AMOTL1: variants seen among roughly 807,000 people sequenced by gnomAD.
AMOTL1 encodes the protein angiomotin like 1, also known as angiomotin-like protein 1.
A neutral mutation model predicts 102.9 loss-of-function variants in AMOTL1; 45 were observed. That is an observed-to-expected ratio of 0.44 (90% CI 0.34 to 0.56). The LOEUF (loss-of-function observed/expected upper bound fraction) is 0.56, where lower values mean the gene tolerates loss of function less well. Among genes scored for constraint, AMOTL1 ranks in the 20% least tolerant of loss-of-function variants. The pLI is 0.01. For missense variants in AMOTL1, 1,114 were observed against 1,225.6 expected (o/e 0.91, Z 1.36); for synonymous variants, 481 against 484.7 (o/e 0.99, Z 0.10).
chr11:94,863,038 T>C (rs755612813), intron 9 of AMOTL1, among the ~76,000 whole-genome samples: 16 of 152,208 alleles, frequency 1.1e-4, no homozygotes, highest in Non-Finnish European at 1.5e-4. Context: ...TTTGGAGTCA[T>C]AAATACCTGA....
At chr11:94,767,080 C>T (rs1950863864), upstream of AMOTL1, among the ~76,000 whole-genome samples, 1 of 152,106 alleles carries the variant, frequency 6.6e-6, no homozygotes, top group Non-Finnish European at 1.5e-5. Flanking sequence ...TCTCTCCGCC[C>T]TTCCCAGGCA....
intron 1 of AMOTL1, among the ~76,000 whole-genome samples, chr11:94,770,656 G>C (rs1180994967): frequency 1.3e-5 from 2 of 152,186 alleles, no homozygotes; most frequent in Non-Finnish European, 2.9e-5. Flanking sequence ...CTTTGCAGAT[G>C]ATGGAGGATG....
chr11:94,826,099 A>G (rs192620050), intron 4 of AMOTL1, among the ~76,000 whole-genome samples: 2 of 152,274 alleles, frequency 1.3e-5, no homozygotes, highest in East Asian at 3.9e-4. Flanking sequence ...AGCCTGGCTA[A>G]CATGGTGAAA....
Position 94,873,009 on chromosome 11 carries a change from A to G in AMOTL1, c.*2214A>G, listed in dbSNP as rs1377544510. On this transcript the variant is annotated 3_prime_UTR_variant, in exon 13 of 13. Transcript: ENST00000433060. ...GGAAAATGTCTAGAGATAGGAAGGT[A>G]AATCAACTCTGCCAGCCCCTACCAT... 6.6e-6 allele frequency: 1 copy of G among 152,208 alleles called. No homozygotes were observed. The highest frequency in any genetic ancestry group is 6.5e-5 in the Admixed American group (1 of 15,280). The allele number at this position is 152,208 out of a possible 1,614,324, so 9.4% of individuals were successfully genotyped here. A position where few individuals can be genotyped will look rare whatever the true frequency, so the allele number is the denominator to read the frequency against.
chr11:94,842,511 C>T (rs1003406332), intron 6 of AMOTL1, among the ~76,000 whole-genome samples: 1 of 152,206 alleles, frequency 6.6e-6, no homozygotes, highest in Admixed American at 6.5e-5. Flanking sequence ...AGCACTGTGT[C>T]AACAGGGACA....
intron 6 of AMOTL1, among the ~76,000 whole-genome samples, chr11:94,835,185 A>G (rs1198580797): frequency 6.6e-6 from 1 of 152,102 alleles, no homozygotes; most frequent in Admixed American, 6.6e-5. Context: ...GTTTTTCCAA[A>G]TGTTTTTGTA....
chr11:94,820,892 T>A (rs1371761708), intron 3 of AMOTL1, among the ~76,000 whole-genome samples: 2 of 152,190 alleles, frequency 1.3e-5, no homozygotes, highest in African/African-American at 4.8e-5. Context: ...AAGATAGAGC[T>A]TAGGCAGTAA....
intron 1 of AMOTL1, among the ~76,000 whole-genome samples, chr11:94,726,745 G>A (rs963093600): frequency 6.6e-6 from 1 of 152,140 alleles, no homozygotes; most frequent in African/African-American, 2.4e-5. Context: ...ATGGCCTGAG[G>A]CCTGAAAACT....
chr11:94,797,760 A>G (rs979429581), intron 2 of AMOTL1, among the ~76,000 whole-genome samples: 1 of 152,214 alleles, frequency 6.6e-6, no homozygotes, highest in African/African-American at 2.4e-5. Flanking sequence ...CTTGGAAACT[A>G]TATGTACATA....
intron 3 of AMOTL1, among the ~76,000 whole-genome samples, chr11:94,809,365 G>T (rs913995276): frequency 5.9e-5 from 9 of 152,174 alleles, no homozygotes; most frequent in African/African-American, 1.9e-4. Flanking sequence ...AGTGGTTAGT[G>T]GCCACTGTCT....
chr11:94,767,801 G>C (rs1346216372), upstream of AMOTL1, among the ~76,000 whole-genome samples: 1 of 152,146 alleles, frequency 6.6e-6, no homozygotes, highest in African/African-American at 2.4e-5. Flanking sequence ...AGGATGTACG[G>C]TTCTGCGAAC....
chr11:94,787,791 T>C (rs1951218508), intron 1 of AMOTL1, among the ~76,000 whole-genome samples: 1 of 149,212 alleles, frequency 6.7e-6, no homozygotes, highest in African/African-American at 2.5e-5. Context: ...AATAAGTCTA[T>C]CAGAGATTCT....
At chr11:94,842,264 G>A (rs879604579) in intron 6 of AMOTL1, among the ~76,000 whole-genome samples, 3 of 152,150 alleles carry the variant, frequency 2.0e-5, no homozygotes, top group African/African-American at 7.2e-5. Context: ...AGATAGAAGG[G>A]TTTCGACGCA....
intron 3 of AMOTL1, among the ~76,000 whole-genome samples, chr11:94,813,729 C>T (rs923613851): frequency 6.6e-6 from 1 of 152,208 alleles, no homozygotes; most frequent in African/African-American, 2.4e-5. Flanking sequence ...GTGAAATTCA[C>T]AATGCCCTGC....
intron 3 of AMOTL1, among the ~76,000 whole-genome samples, chr11:94,750,583 C>T (rs556721077): frequency 1.3e-5 from 2 of 152,196 alleles, no homozygotes; most frequent in Non-Finnish European, 2.9e-5. Flanking sequence ...TGGCCTCCAA[C>T]TGACAGGGGC....
intron 6 of AMOTL1, among the ~76,000 whole-genome samples, chr11:94,846,444 A>G (rs1219743105): frequency 6.6e-6 from 1 of 152,248 alleles, no homozygotes; most frequent in South Asian, 2.1e-4. Flanking sequence ...TTACTTTTAA[A>G]GGCAGAGAAG....
At chr11:94,732,915 C>T (rs554667861) in intron 2 of AMOTL1, among the ~76,000 whole-genome samples, 1 of 152,298 alleles carries the variant, frequency 6.6e-6, no homozygotes, top group African/African-American at 2.4e-5. Flanking sequence ...AGCAGATTTC[C>T]TTTCTGAAGC....
At chr11:94,805,776 A>G (rs1951557877) in intron 3 of AMOTL1, among the ~76,000 whole-genome samples, 1 of 152,224 alleles carries the variant, frequency 6.6e-6, no homozygotes, top group South Asian at 2.1e-4. Flanking sequence ...TAGATATTTT[A>G]TAAAAGCATG....
intron 9 of AMOTL1, 42 bp from the exon 10 acceptor site, chr11:94,864,693 A>G: frequency 6.3e-7 from 1 of 1,596,790 alleles, no homozygotes; most frequent in African/African-American, 1.3e-5. Flanking sequence ...AGACAAAGCA[A>G]GAAGGTTTCC....
Sources: gnomAD v4.1 joint callset for allele counts (sites outside exome capture counted in the v4.1 genomes callset) on GRCh38, gnomAD v4.1.1 for gene constraint, MANE v1.5 for transcripts, NCBI Gene and HGNC (gene_info 2026-07-23, HGNC 2026-07-21) for gene names.